The following CADM2 variants were observed in gnomAD, a reference collection of about 807,000 sequenced individuals.
CADM2 encodes the protein immunoglobulin superfamily member 4D.
In CADM2, 12 loss-of-function variants were observed where a neutral mutation model predicts 49.8. The observed-to-expected ratio is 0.24, with a 90% CI of 0.15 to 0.39. CADM2 has a LOEUF of 0.39. Among genes scored for constraint, CADM2 ranks in the 10% least tolerant of loss-of-function variants. CADM2 has a pLI of 1.00. For synonymous variants in CADM2, 214 were observed against 175.4 expected (o/e 1.22, Z -1.74); for missense variants, 378 against 492.3 (o/e 0.77, Z 2.20).
intron 1 of CADM2, among the ~76,000 whole-genome samples, chr3:85,351,118 T>C (rs1309591738): frequency 6.6e-6 from 1 of 152,170 alleles, no homozygotes; most frequent in Non-Finnish European, 1.5e-5. Flanking sequence ...TAATACTATA[T>C]GCATGAAATC....
intron 1 of CADM2, among the ~76,000 whole-genome samples, chr3:85,026,644 G>A (rs143064286): frequency 6.6e-6 from 1 of 152,092 alleles, no homozygotes; most frequent in African/African-American, 2.4e-5. Flanking sequence ...AGTCAGCAAA[G>A]CTAATTTTCT....
intron 1 of CADM2, among the ~76,000 whole-genome samples, chr3:85,082,957 T>C (rs981687024): frequency 1.3e-5 from 2 of 152,104 alleles, no homozygotes; most frequent in African/African-American, 4.8e-5. Flanking sequence ...GGCAAAAAAT[T>C]TCCAAGTTGT....
chr3:85,165,368 G>A (rs1367661085), intron 1 of CADM2, among the ~76,000 whole-genome samples: 1 of 151,742 alleles, frequency 6.6e-6, no homozygotes, highest in African/African-American at 2.4e-5. Flanking sequence ...TAAATTAATG[G>A]TCTAAGACAA....
intron 1 of CADM2, among the ~76,000 whole-genome samples, chr3:85,653,039 C>T (rs1172358768): frequency 6.6e-6 from 1 of 151,658 alleles, no homozygotes; most frequent in Non-Finnish European, 1.5e-5. Flanking sequence ...TCCCAAAGTG[C>T]TGGGATTACA....
intron 1 of CADM2, among the ~76,000 whole-genome samples, chr3:85,507,482 C>T (rs2040410801): frequency 6.6e-6 from 1 of 152,130 alleles, no homozygotes; most frequent in African/African-American, 2.4e-5. Flanking sequence ...AGCCACCATG[C>T]CCGGCCTTTT....
intron 1 of CADM2, among the ~76,000 whole-genome samples, chr3:85,033,596 T>C (rs576771850): frequency 1.3e-5 from 2 of 152,140 alleles, no homozygotes; most frequent in African/African-American, 4.8e-5. Context: ...GACTAGAATA[T>C]TGGAGCAAAT....
intron 2 of CADM2, among the ~76,000 whole-genome samples, chr3:85,742,524 T>C (rs952872224): frequency 6.6e-5 from 10 of 152,222 alleles, no homozygotes; most frequent in Non-Finnish European, 1.5e-4. Context: ...ATCAGAGGCT[T>C]AAATTATAAA....
chr3:85,622,260 G>A (rs185835746), intron 1 of CADM2, among the ~76,000 whole-genome samples: 1 of 152,186 alleles, frequency 6.6e-6, no homozygotes. Flanking sequence ...ATATTATTCT[G>A]TCTTTAAATA....
intron 1 of CADM2, among the ~76,000 whole-genome samples, chr3:85,335,066 C>T (rs2045041069): frequency 6.6e-6 from 1 of 151,288 alleles, no homozygotes. Context: ...AAAAAAGATA[C>T]TAAGTAAATA....
chr3:85,978,450 A>G (rs1214255814), intron 8 of CADM2, among the ~76,000 whole-genome samples: 1 of 151,602 alleles, frequency 6.6e-6, no homozygotes, highest in Non-Finnish European at 1.5e-5. Context: ...AATAAATCAT[A>G]AACCTTTCAG....
intron 1 of CADM2, among the ~76,000 whole-genome samples, chr3:85,506,205 A>T (rs1386903148): frequency 6.6e-6 from 1 of 152,198 alleles, no homozygotes; most frequent in Non-Finnish European, 1.5e-5. Flanking sequence ...ATACAAAGTA[A>T]ACAAGTAGAT....
intron 1 of CADM2, among the ~76,000 whole-genome samples, chr3:85,202,932 CT>C (rs535888030): frequency 4.5e-4 from 68 of 152,254 alleles, no homozygotes; most frequent in African/African-American, 1.6e-3. Context: ...TGGAGACAGC[CT>C]TTTTCTTAAA....
intron 5 of CADM2, among the ~76,000 whole-genome samples, chr3:85,895,276 T>C (rs1045164588): frequency 2.6e-5 from 4 of 152,214 alleles, no homozygotes; most frequent in Non-Finnish European, 5.9e-5. Context: ...GCGACCTGAA[T>C]GTGAGACATA....
chr3:85,848,031 C>T (rs192449305), intron 3 of CADM2, among the ~76,000 whole-genome samples: 56 of 151,856 alleles, frequency 3.7e-4, no homozygotes, highest in Middle Eastern at 3.4e-3. Flanking sequence ...TTTTATCATT[C>T]GATAGTCAAT....
intron 1 of CADM2, among the ~76,000 whole-genome samples, chr3:85,677,180 T>C (rs761553838): frequency 1.3e-5 from 2 of 152,196 alleles, no homozygotes; most frequent in Non-Finnish European, 2.9e-5. Flanking sequence ...TATATTTATA[T>C]GTTTTTTTTA....
intron 2 of CADM2, among the ~76,000 whole-genome samples, chr3:85,759,315 G>A (rs1267242747): frequency 6.6e-6 from 1 of 152,024 alleles, no homozygotes; most frequent in African/African-American, 2.4e-5. Flanking sequence ...AGCATAGAAT[G>A]AAAAGGTAAC....
At chr3:85,541,771 T>TA (rs1242236689) in intron 1 of CADM2, among the ~76,000 whole-genome samples, 7 of 7,578 alleles carry the variant, frequency 9.2e-4, no homozygotes, top group East Asian at 0.045. Context: ...ATATATTTTA[T>TA]ATTTTATATA....
chr3:85,344,380 AAAATAAATAAATAAAT>A (rs74850280), intron 1 of CADM2, among the ~76,000 whole-genome samples: 155 of 140,360 alleles, frequency 1.1e-3, no homozygotes, highest in African/African-American at 3.2e-3. Context: ...ACACCATCTC[AAAATAAATAAATAAAT>A]AAATAAATAA....
chr3:85,485,891 A>T (rs557615456), intron 1 of CADM2, among the ~76,000 whole-genome samples: 56 of 152,072 alleles, frequency 3.7e-4, no homozygotes, highest in Non-Finnish European at 6.5e-4. Context: ...AAACCTTATA[A>T]TGTACTGTTT....
Sources: gnomAD v4.1 joint callset for allele counts (sites outside exome capture counted in the v4.1 genomes callset) on GRCh38, gnomAD v4.1.1 for gene constraint, MANE v1.5 for transcripts, NCBI Gene and HGNC (gene_info 2026-07-23, HGNC 2026-07-21) for gene names.